The following CUX1 variants were observed in gnomAD, a reference collection of about 807,000 sequenced individuals.
CUX1 encodes cut like homeobox 1, also known as protein CASP.
CUX1 carries 31 observed loss-of-function variants against 158.8 expected under a neutral mutation model. That is an observed-to-expected ratio of 0.20 (90% confidence interval 0.15 to 0.26). The LOEUF (loss-of-function observed/expected upper bound fraction) is 0.26, where lower values mean the gene tolerates loss of function less well. Ranked by LOEUF, CUX1 falls within the 10% of genes least tolerant of loss-of-function variation. The pLI, the probability that CUX1 is intolerant of heterozygous loss-of-function variation, is 1.00. For missense variants in CUX1, 1,589 were observed against 2,014.6 expected, an observed-to-expected ratio of 0.79 and a Z score of 4.04; for synonymous variants, 879 against 862.1, an observed-to-expected ratio of 1.02 and a Z score of -0.34.
chr7:101,876,717 G>C (rs556034335), intron 1 of CUX1, among the ~76,000 whole-genome samples: 1 of 151,880 alleles, frequency 6.6e-6, no homozygotes. Context: ...AAATGAAAAA[G>C]AAAATATCTT....
chr7:101,972,006 G>A (rs1374455660), intron 2 of CUX1, among the ~76,000 whole-genome samples: 3 of 152,076 alleles, frequency 2.0e-5, no homozygotes, highest in Non-Finnish European at 4.4e-5. Flanking sequence ...TCGCTCTTTC[G>A]CCCAGGTGGG....
At chr7:102,038,297 A>G (rs1821682655) in intron 3 of CUX1, among the ~76,000 whole-genome samples, 1 of 152,152 alleles carries the variant, frequency 6.6e-6, no homozygotes, top group South Asian at 2.1e-4. Flanking sequence ...ATGATTTACA[A>G]ATCTGGAAGA....
chr7:102,095,230 G>A (rs573222159), intron 4 of CUX1, among the ~76,000 whole-genome samples: 123 of 152,058 alleles, frequency 8.1e-4, no homozygotes, highest in African/African-American at 2.8e-3. Context: ...GGCTGGTCTC[G>A]AACTCCTGAG....
intron 8 of CUX1, among the ~76,000 whole-genome samples, chr7:102,131,666 T>C (rs1183160968): frequency 2.1e-5 from 3 of 145,564 alleles, no homozygotes; most frequent in African/African-American, 7.7e-5. Context: ...TTATTTTTTA[T>C]TTTATTTATT....
intron 1 of CUX1, among the ~76,000 whole-genome samples, chr7:101,834,703 C>T (rs1794438942): frequency 6.6e-6 from 1 of 151,964 alleles, no homozygotes; most frequent in Non-Finnish European, 1.5e-5. Flanking sequence ...TATAATGTAA[C>T]ATTTACCTTT....
chr7:102,193,531 C>T (rs1794490479), intron 12 of CUX1, among the ~76,000 whole-genome samples: 1 of 152,166 alleles, frequency 6.6e-6, no homozygotes, highest in Non-Finnish European at 1.5e-5. Context: ...AATAATCACT[C>T]TGGTGGCTCA....
chr7:102,170,870 G>C (rs1281935339), intron 10 of CUX1, among the ~76,000 whole-genome samples: 7 of 152,070 alleles, frequency 4.6e-5, no homozygotes, highest in Non-Finnish European at 1.0e-4. Flanking sequence ...GCTGGCATGC[G>C]GGTGCAGACC....
In CUX1 at chr7:101,905,388, C is replaced by T. The variant is rs1484538547; in HGVS notation, c.31-10727C>T. On this transcript the variant is annotated intron_variant, in intron 1 of 23. Coordinates refer to ENST00000292535, the MANE Select transcript of CUX1 (RefSeq NM_181552.4). ...AGCTGGAGCGACAGCCACAGCAGAC[C>T]GCTCTGCATCCCTGTATGCGTTGTG... Among the ~76,000 whole-genome samples the T allele has an allele frequency of 4.6e-5, 7 of 152,310 alleles. No homozygotes were observed. In the South Asian group the frequency reaches 6.2e-4, roughly 14 times the overall value.
chr7:102,277,925 C>CA, intron 17 of CUX1: 10 of 1,037,294 alleles, frequency 9.6e-6, no homozygotes, highest in Non-Finnish European at 1.1e-5. Context: ...TCCCCCACCC[C>CA]TTTCCTTGCC....
At chr7:102,098,517 G>A (rs1206703436) in intron 5 of CUX1, among the ~76,000 whole-genome samples, 6 of 152,068 alleles carry the variant, frequency 3.9e-5, no homozygotes, top group African/African-American at 7.2e-5. Context: ...AGGCTGAGGC[G>A]GGAGGATCGC....
chr7:101,870,682 A>G (rs1254622217), intron 1 of CUX1, among the ~76,000 whole-genome samples: 1 of 152,194 alleles, frequency 6.6e-6, no homozygotes, highest in African/African-American at 2.4e-5. Context: ...AAATCTTACA[A>G]TTAGCTCGAT....
At chr7:102,033,403 G>C (rs1371603609) in intron 3 of CUX1, among the ~76,000 whole-genome samples, 1 of 152,092 alleles carries the variant, frequency 6.6e-6, no homozygotes, top group Non-Finnish European at 1.5e-5. Flanking sequence ...CAAAGAGCCA[G>C]GAGAGAAACA....
exon 17 of CUX1, chr7:102,275,336 G>A: frequency 1.9e-6 from 3 of 1,612,944 alleles, no homozygotes; most frequent in African/African-American, 1.3e-5. Flanking sequence ...GCGCTTCCGT[G>A]CCCGGAACCA....
chr7:102,033,580 C>T (rs1368364662), intron 3 of CUX1, among the ~76,000 whole-genome samples: 2 of 152,046 alleles, frequency 1.3e-5, no homozygotes, highest in Non-Finnish European at 2.9e-5. Context: ...ATACTGAAGT[C>T]GAAAAAGTTC....
At position 102,204,679 on chromosome 7, in the gene CUX1, C is replaced by T. The variant is rs566290969; in HGVS notation, c.3073+123C>T. On this transcript the variant is annotated intron_variant, in intron 19 of 23. Transcript: ENST00000292535. ...CTCCGCCCCAGGAGGTGGCCAACCACACTCCCCACCGTGGGCTGGTGCTGG... is the reference window on the plus strand; with the variant it reads ...CTCCGCCCCAGGAGGTGGCCAACCATACTCCCCACCGTGGGCTGGTGCTGG... 28 of 1,273,034 alleles carry T rather than the reference C, an allele frequency of 2.2e-5. 1 individual carries two copies. Among genetic ancestry groups the T allele is most frequent in the Non-Finnish European group, 3.0e-5 (28 of 930,026 alleles). 78.9% of individuals were successfully genotyped at this position (1,273,034 alleles called of 1,614,324 possible).
chr7:101,915,598 A>C (rs1804098013), intron 1 of CUX1, among the ~76,000 whole-genome samples: 1 of 152,192 alleles, frequency 6.6e-6, no homozygotes. Context: ...TTGTTGAATG[A>C]ATACAAACCA....
intron 6 of CUX1, among the ~76,000 whole-genome samples, chr7:102,105,764 C>T (rs1166947865): frequency 2.6e-5 from 4 of 152,092 alleles, no homozygotes; most frequent in Non-Finnish European, 5.9e-5. Context: ...CCACCCACCT[C>T]AGCCTTTCAA....
At chr7:102,155,447 G>A (rs1257477036) in intron 8 of CUX1, among the ~76,000 whole-genome samples, 2 of 151,768 alleles carry the variant, frequency 1.3e-5, no homozygotes, top group African/African-American at 4.8e-5. Flanking sequence ...TCTGGAGGCT[G>A]AAGCGGGAGG....
At chr7:101,887,853 T>C (rs1174298120) in intron 1 of CUX1, among the ~76,000 whole-genome samples, 8 of 151,596 alleles carry the variant, frequency 5.3e-5, no homozygotes, top group Admixed American at 5.3e-4. Context: ...ATTTTTTTTT[T>C]TTTTTTTTTT....
Sources: gnomAD v4.1 joint callset for allele counts (sites outside exome capture counted in the v4.1 genomes callset) on GRCh38, gnomAD v4.1.1 for gene constraint, MANE v1.5 for transcripts, NCBI Gene and HGNC (gene_info 2026-07-23, HGNC 2026-07-21) for gene names.